The following PDE1C variants were observed in gnomAD, a reference collection of about 807,000 sequenced individuals.
PDE1C encodes the protein phosphodiesterase 1C.
Under a neutral mutation model 93.1 loss-of-function variants are expected in PDE1C, and 62 were observed. That is an observed-to-expected ratio of 0.67 (90% confidence interval 0.54 to 0.82). The LOEUF (loss-of-function observed/expected upper bound fraction) is 0.82. Ranked by LOEUF, PDE1C falls within the 40% of genes least tolerant of loss-of-function variation. The pLI, the probability that PDE1C is intolerant of heterozygous loss-of-function variation, is 0.00. For missense variants in PDE1C, 742 were observed against 884.6 expected, an observed-to-expected ratio of 0.84 and a Z score of 2.04; for synonymous variants, 325 against 310.1, an observed-to-expected ratio of 1.05 and a Z score of -0.50.
rs150860991 is a variant in PDE1C, at chr7:32,079,456, A to C, written c.308+90329T>G. 2.5e-3 allele frequency among the ~76,000 whole-genome samples: 376 copies of C among 152,372 alleles called. 1 individual carries two copies. Among genetic ancestry groups the C allele is most frequent in the African/African-American group, 8.8e-3 (368 of 41,590 alleles). Reference sequence around the variant, plus strand: ...TATTGCTGTGTAACAAACTATCCTCAAAATTCAGTGGCTTTTTAAAACAAC... The same window carrying C: ...TATTGCTGTGTAACAAACTATCCTCCAAATTCAGTGGCTTTTTAAAACAAC... On this transcript the variant is annotated intron_variant, in intron 3 of 18. Transcript: ENST00000396193.
chr7:31,930,058 A>G (rs1021598330), intron 2 of PDE1C, among the ~76,000 whole-genome samples: 7 of 152,198 alleles, frequency 4.6e-5, no homozygotes, highest in South Asian at 2.1e-4. Context: ...AAATAGACAC[A>G]ATAAAAAATG....
rs190673916 is a variant in PDE1C at position 32,406,379 on chromosome 7, C to A, written c.310+21443G>T. ...ACTCAGGTACAATCCACAGAGAGAA[C>A]AATTAAGAGGACACTGAATTTTCCC... On this transcript the variant is annotated intron_variant, in intron 1 of 1. Transcript: ENST00000672256. Among the ~76,000 whole-genome samples, 179 of 152,120 alleles carry A rather than the reference C, an allele frequency of 1.2e-3. 1 individual carries two copies. The highest frequency in any genetic ancestry group is 4.2e-3 in the African/African-American group (174 of 41,502).
At chr7:32,132,342 C>T (rs752415486) in intron 3 of PDE1C, among the ~76,000 whole-genome samples, 12 of 152,052 alleles carry the variant, frequency 7.9e-5, no homozygotes, top group Non-Finnish European at 1.0e-4. Context: ...TTAGGCAATA[C>T]GGTGGCATGA....
chr7:31,896,331 T>C (rs1208999727), intron 2 of PDE1C, among the ~76,000 whole-genome samples: 2 of 152,280 alleles, frequency 1.3e-5, no homozygotes, highest in South Asian at 2.1e-4. Context: ...TGGGAAGACA[T>C]GAGACATGAG....
intron 2 of PDE1C, among the ~76,000 whole-genome samples, chr7:32,208,125 T>C (rs935336131): frequency 1.3e-5 from 2 of 152,246 alleles, no homozygotes; most frequent in Non-Finnish European, 1.5e-5. Flanking sequence ...TTCTAAAATA[T>C]GAGCACTTCA....
intron 3 of PDE1C, among the ~76,000 whole-genome samples, chr7:32,122,400 A>G (rs555053369): frequency 2.0e-5 from 3 of 152,310 alleles, no homozygotes; most frequent in Admixed American, 2.0e-4. Context: ...TCCACCCCAA[A>G]TCAACAGAAT....
chr7:31,716,305 C>T, the PDE1C span, among the ~76,000 whole-genome samples: 23 of 152,258 alleles, frequency 1.5e-4, no homozygotes, highest in Non-Finnish European at 2.9e-4. Context: ...GGGGCCAGAT[C>T]CTGCCCACTA....
At chr7:32,060,419 T>A (rs980713574) in intron 1 of PDE1C, among the ~76,000 whole-genome samples, 2 of 152,194 alleles carry the variant, frequency 1.3e-5, no homozygotes, top group African/African-American at 2.4e-5. Flanking sequence ...CTTGGGAGCA[T>A]GAGTCCTTCC....
chr7:31,703,037 C>T, the PDE1C span, among the ~76,000 whole-genome samples: 4,413 of 152,236 alleles, frequency 0.029, 98 homozygotes, highest in Middle Eastern at 0.041. Flanking sequence ...TGACCCTGGA[C>T]AATTAACATA....
the PDE1C span, among the ~76,000 whole-genome samples, chr7:31,661,479 C>T: frequency 2.0e-5 from 3 of 152,046 alleles, no homozygotes; most frequent in East Asian, 5.8e-4. Context: ...TTGGGAGCCC[C>T]AGGTGGGTGG....
At chr7:31,660,648 C>T in the PDE1C span, among the ~76,000 whole-genome samples, 20 of 151,986 alleles carry the variant, frequency 1.3e-4, no homozygotes, top group African/African-American at 4.6e-4. Flanking sequence ...CTGACTTTAT[C>T]TTATTTGTCA....
At chr7:31,982,462 G>T (rs1266183586) in intron 2 of PDE1C, among the ~76,000 whole-genome samples, 1 of 152,054 alleles carries the variant, frequency 6.6e-6, no homozygotes, top group Admixed American at 6.5e-5. Flanking sequence ...GAAGATGAAA[G>T]GATAAAGGTA....
At chr7:32,280,863 T>C (rs1290871448) in intron 1 of PDE1C, among the ~76,000 whole-genome samples, 6 of 152,144 alleles carry the variant, frequency 3.9e-5, no homozygotes, top group Non-Finnish European at 7.3e-5. Context: ...TACACACCTA[T>C]AGTCCTAGCT....
At chr7:31,855,974 C>T (rs1027304099) in intron 7 of PDE1C, among the ~76,000 whole-genome samples, 4 of 151,978 alleles carry the variant, frequency 2.6e-5, no homozygotes, top group Admixed American at 2.6e-4. Context: ...TTATTTCTGT[C>T]TAAGGATTTT....
At chr7:31,853,932 G>A (rs1373747833) in intron 7 of PDE1C, among the ~76,000 whole-genome samples, 1 of 143,110 alleles carries the variant, frequency 7.0e-6, no homozygotes, top group Non-Finnish European at 1.5e-5. Context: ...TCACCATGTC[G>A]CCCAGGCTGG....
intron 2 of PDE1C, among the ~76,000 whole-genome samples, chr7:31,958,224 G>A (rs533086839): frequency 1.2e-4 from 19 of 152,172 alleles, no homozygotes; most frequent in Non-Finnish European, 2.6e-4. Flanking sequence ...CCGTTTTCCA[G>A]GGCTCGTCAA....
intron 5 of PDE1C, among the ~76,000 whole-genome samples, chr7:31,875,793 C>CTATATATATA (rs71559206): frequency 0.021 from 918 of 42,868 alleles, 104 homozygotes; most frequent in Non-Finnish European, 0.032. Context: ...AAGCTTACAT[C>CTATATATATA]TATATATATA....
intron 2 of PDE1C, among the ~76,000 whole-genome samples, chr7:32,209,230 T>C (rs1156990039): frequency 1.3e-5 from 2 of 152,214 alleles, no homozygotes; most frequent in African/African-American, 4.8e-5. Context: ...ATGTCGATTC[T>C]GCTGCTCTGA....
At chr7:31,927,478 CTG>C (rs1300180315) in intron 2 of PDE1C, among the ~76,000 whole-genome samples, 2 of 152,190 alleles carry the variant, frequency 1.3e-5, no homozygotes, top group African/African-American at 4.8e-5. Flanking sequence ...AAGTGGGTCC[CTG>C]ACACCCATGC....
Sources: allele counts gnomAD v4.1 joint callset (sites outside exome capture counted in the v4.1 genomes callset), GRCh38; gene constraint gnomAD v4.1.1; transcripts MANE v1.5; gene names NCBI Gene and HGNC (gene_info 2026-07-23, HGNC 2026-07-21).